Variants in BACH1 observed in about 807,000 individuals in gnomAD.
The protein encoded by BACH1 is BTB domain and CNC homolog 1.
BACH1 carries 35 observed loss-of-function variants against 52.9 expected under a neutral mutation model. That is an observed-to-expected ratio of 0.66 (90% CI 0.51 to 0.88). The LOEUF is 0.88. Ranked by LOEUF, BACH1 falls within the 40% of genes least tolerant of loss-of-function variation. The probability of loss-of-function intolerance (pLI) is 0.00; values close to 1 mark genes in which losing one functional copy is unlikely to be tolerated. For missense variants in BACH1, 808 were observed against 872.6 expected, an observed-to-expected ratio of 0.93 and a Z score of 0.93; for synonymous variants, 321 against 319.6, an observed-to-expected ratio of 1.00 and a Z score of -0.05.
chr21:29,316,300 TTATG>T (rs2088786015), intron 1 of BACH1, among the ~76,000 whole-genome samples: 1 of 152,212 alleles, frequency 6.6e-6, no homozygotes, highest in African/African-American at 2.4e-5. Flanking sequence ...AAAACTTAAA[TTATG>T]TGCATTCAGC....
chr21:29,329,346 T>C (rs1190514251), intron 3 of BACH1, 141 bp from the exon 4 acceptor site: 2 of 619,602 alleles, frequency 3.2e-6, no homozygotes, highest in African/African-American at 1.9e-5. Context: ...TGAGATTGTA[T>C]AGAAATTGGG....
At position 29,344,595 on chromosome 21, in the gene BACH1, A is replaced by T. The variant is rs1005434620; in HGVS notation, c.*1762A>T. ...AAGTACACTCAAGAATTTGTCAGGG[A>T]GAATAATTCTGATAGTGCATCCCAT... On this transcript the variant is annotated 3_prime_UTR_variant, in exon 5 of 5. Transcript: ENST00000286800. The T allele has an allele frequency of 6.6e-6, 1 of 152,232 alleles. No homozygotes were observed. The highest frequency in any genetic ancestry group is 1.9e-4 in the East Asian group (1 of 5,188). 9.4% of individuals were successfully genotyped at this position (152,232 alleles called of 1,614,324 possible).
intron 4 of BACH1, among the ~76,000 whole-genome samples, chr21:29,341,106 TAAC>T (rs986493974): frequency 5.1e-4 from 78 of 152,278 alleles, no homozygotes; most frequent in African/African-American, 1.3e-3. Context: ...ATTTTAGAAA[TAAC>T]AATAATTGGA....
At chr21:29,357,328 C>T (rs767307764) in intron 2 of BACH1, among the ~76,000 whole-genome samples, 4 of 152,162 alleles carry the variant, frequency 2.6e-5, no homozygotes, top group African/African-American at 7.2e-5. Flanking sequence ...GGATTAGCTA[C>T]GGGGACTTCT....
At chr21:29,301,915 G>T (rs1470244233) in intron 1 of BACH1, among the ~76,000 whole-genome samples, 1 of 152,092 alleles carries the variant, frequency 6.6e-6, no homozygotes, top group Non-Finnish European at 1.5e-5. Flanking sequence ...GCGGCGGTGA[G>T]GGTGGTTAGT....
chr21:29,361,651 C>G (rs935467757), intron 2 of BACH1: 13 of 152,246 alleles, frequency 8.5e-5, no homozygotes, highest in Non-Finnish European at 1.0e-4. Context: ...AGTAATCAGT[C>G]CAAACTGAAT....
intron 4 of BACH1, among the ~76,000 whole-genome samples, chr21:29,339,045 C>G (rs2089079547): frequency 6.6e-6 from 1 of 152,150 alleles, no homozygotes; most frequent in African/African-American, 2.4e-5. Flanking sequence ...ACAGTTCAAA[C>G]CAGTCTTCTG....
intron 1 of BACH1, chr21:29,300,758 A>G (rs187608855): frequency 1.3e-5 from 2 of 152,266 alleles, no homozygotes; most frequent in African/African-American, 4.8e-5. Context: ...ATGAGTACAC[A>G]GAAGGGACTT....
chr21:29,320,763 G>A (rs2088838605), intron 1 of BACH1, among the ~76,000 whole-genome samples: 1 of 152,138 alleles, frequency 6.6e-6, no homozygotes. Flanking sequence ...TGGAGAATGT[G>A]GAACAGCACA....
intron 1 of BACH1, chr21:29,300,049 A>G (rs1342317504): frequency 2.0e-5 from 3 of 152,232 alleles, no homozygotes; most frequent in African/African-American, 7.2e-5. Flanking sequence ...AAGCAGAGAA[A>G]TGGGAAGAGG....
chr21:29,348,437 GACCATAGTAGA>G (rs1376199756), downstream of BACH1, among the ~76,000 whole-genome samples: 1 of 151,776 alleles, frequency 6.6e-6, no homozygotes, highest in Non-Finnish European at 1.5e-5. Flanking sequence ...TGCTGCCAGA[GACCATAGTAGA>G]ACCTCAATAG....
intron 2 of BACH1, among the ~76,000 whole-genome samples, chr21:29,360,474 T>C (rs1182233558): frequency 6.6e-6 from 1 of 152,096 alleles, no homozygotes; most frequent in Non-Finnish European, 1.5e-5. Flanking sequence ...GCCCCTGTCC[T>C]CTCCTGGGAA....
At position 29,323,971 on chromosome 21, in the gene BACH1, G is replaced by T. The variant is rs149681788; in HGVS notation, c.235-2088G>T. Among the ~76,000 whole-genome samples, 415 of 152,260 alleles carry T rather than the reference G, an allele frequency of 2.7e-3. 2 individuals carry two copies. Among genetic ancestry groups the T allele is most frequent in the Middle Eastern group, 6.8e-3 (2 of 294 alleles). On this transcript the variant is annotated intron_variant, in intron 2 of 4. Coordinates refer to ENST00000286800, the MANE Select transcript of BACH1 (RefSeq NM_001186.4). Reference sequence around the variant, plus strand: ...ATCCACCACCATAGTTAAGATAACAGCCGGGCCCAGTGGCTCATGCCTGTA... The same window carrying T: ...ATCCACCACCATAGTTAAGATAACATCCGGGCCCAGTGGCTCATGCCTGTA...
At chr21:29,358,302 C>T (rs1240306752) in intron 2 of BACH1, among the ~76,000 whole-genome samples, 1 of 152,160 alleles carries the variant, frequency 6.6e-6, no homozygotes, top group Non-Finnish European at 1.5e-5. Flanking sequence ...CAAACTACAT[C>T]AAGACAAAGG....
At chr21:29,354,340 A>G (rs1391234389) in intron 2 of BACH1, among the ~76,000 whole-genome samples, 1 of 152,138 alleles carries the variant, frequency 6.6e-6, no homozygotes, top group Non-Finnish European at 1.5e-5. Context: ...GACAATGGGA[A>G]ACTTTTGAAA....
intron 1 of BACH1, among the ~76,000 whole-genome samples, chr21:29,320,508 C>A (rs772779484): frequency 6.6e-6 from 1 of 152,082 alleles, no homozygotes; most frequent in East Asian, 1.9e-4. Context: ...AAAATTATAA[C>A]TTTTTCTTAG....
Position 29,326,394 on chromosome 21 carries a change from A to G in BACH1, c.570A>G (p.Gln190=), listed in dbSNP as rs1198002106. ...CTCAGTGTAAACTCCGCAGGTATCA[A>G]GGAAATGCAAAAGCCTCACCTCCTC... is the stretch of plus-strand genomic sequence containing the variant. ...QTPQCKLRRY[Q]GNAKASPPLQ... is the part of the protein sequence containing the mutation. Residue 190 remains glutamine, a synonymous_variant, in exon 3 of 5, where the codon CAA becomes CAG. Coordinates refer to ENST00000286800, the MANE Select transcript of BACH1 (RefSeq NM_001186.4). 3 of 1,614,234 alleles carry G rather than the reference A, an allele frequency of 1.9e-6. No homozygotes were observed. The highest frequency in any genetic ancestry group is 1.1e-5 in the South Asian group (1 of 91,082).
At chr21:29,328,382 TATTA>T (rs1363458991) in intron 3 of BACH1, among the ~76,000 whole-genome samples, 1 of 152,202 alleles carries the variant, frequency 6.6e-6, no homozygotes, top group East Asian at 1.9e-4. Flanking sequence ...TCCAAAAATA[TATTA>T]ATTAAAATAT....
At chr21:29,361,829 G>C (rs78123927) in intron 2 of BACH1, 111 of 152,286 alleles carry the variant, frequency 7.3e-4, no homozygotes, top group African/African-American at 2.6e-3. Flanking sequence ...AATCTCACTT[G>C]TATACCGTCT....
Sources: allele counts gnomAD v4.1 joint callset (sites outside exome capture counted in the v4.1 genomes callset), GRCh38; gene constraint gnomAD v4.1.1; transcripts MANE v1.5; gene names NCBI Gene and HGNC (gene_info 2026-07-23, HGNC 2026-07-21).